The following MACROD2 variants were observed in gnomAD, a reference collection of about 807,000 sequenced individuals.
MACROD2 encodes the protein ADP-ribose glycohydrolase MACROD2.
A neutral mutation model predicts 70.4 loss-of-function variants in MACROD2; 36 were observed. That is an observed-to-expected ratio of 0.51 (90% CI 0.39 to 0.68). The LOEUF (loss-of-function observed/expected upper bound fraction) is 0.68, where lower values mean the gene tolerates loss of function less well. Ranked by LOEUF, MACROD2 falls within the 30% of genes least tolerant of loss-of-function variation. The probability of loss-of-function intolerance (pLI) is 0.00; values close to 1 mark genes in which losing one functional copy is unlikely to be tolerated. For synonymous variants in MACROD2, 172 were observed against 178.8 expected, an observed-to-expected ratio of 0.96 and a Z score of 0.30; for missense variants, 496 against 538.4, an observed-to-expected ratio of 0.92 and a Z score of 0.78.
At chr20:15,422,032 C>T (rs1300416342) in intron 6 of MACROD2, among the ~76,000 whole-genome samples, 1 of 152,128 alleles carries the variant, frequency 6.6e-6, no homozygotes, top group East Asian at 1.9e-4. Context: ...GTCAGTGGCC[C>T]TGGAGTAGAA....
At chr20:15,697,381 T>C (rs1321998589) in intron 8 of MACROD2, among the ~76,000 whole-genome samples, 7 of 152,158 alleles carry the variant, frequency 4.6e-5, no homozygotes, top group Non-Finnish European at 1.5e-5. Flanking sequence ...CCTTTTAGAG[T>C]TGAGTTCCAA....
chr20:14,499,877 A>C (rs1245353899), intron 4 of MACROD2, among the ~76,000 whole-genome samples: 1 of 152,218 alleles, frequency 6.6e-6, no homozygotes, highest in African/African-American at 2.4e-5. Context: ...ACTAGCCTTG[A>C]AATCAGTGTA....
chr20:15,908,139 C>T (rs1270730737), intron 10 of MACROD2, among the ~76,000 whole-genome samples: 4 of 151,716 alleles, frequency 2.6e-5, no homozygotes, highest in Non-Finnish European at 5.9e-5. Context: ...TGTTTTTTTC[C>T]TTTTTGCCCT....
intron 5 of MACROD2, among the ~76,000 whole-genome samples, chr20:15,013,725 C>A (rs1475937639): frequency 3.3e-5 from 5 of 152,174 alleles, no homozygotes; most frequent in Non-Finnish European, 7.4e-5. Context: ...CCCTTCCCTT[C>A]TATGGCAGTG....
At chr20:14,033,161 T>G (rs1162018971) in intron 2 of MACROD2, among the ~76,000 whole-genome samples, 1 of 151,648 alleles carries the variant, frequency 6.6e-6, no homozygotes, top group Non-Finnish European at 1.5e-5. Flanking sequence ...TAAGTTGTCT[T>G]AGTTTTTTTC....
intron 5 of MACROD2, among the ~76,000 whole-genome samples, chr20:15,079,333 C>T (rs2075684904): frequency 6.6e-6 from 1 of 151,950 alleles, no homozygotes; most frequent in South Asian, 2.1e-4. Context: ...ATCACCTAAG[C>T]CCCCCAGTTC....
intron 4 of MACROD2, among the ~76,000 whole-genome samples, chr20:14,527,159 T>G (rs1259183486): frequency 6.6e-6 from 1 of 152,224 alleles, no homozygotes; most frequent in African/African-American, 2.4e-5. Context: ...CCTGCTGGCC[T>G]GCCGACGTCT....
intron 15 of MACROD2, among the ~76,000 whole-genome samples, chr20:16,016,521 T>C (rs548636350): frequency 6.6e-6 from 1 of 152,352 alleles, no homozygotes; most frequent in East Asian, 1.9e-4. Context: ...CATTTTCAAC[T>C]TAACCTTTTC....
rs569981495 is a variant in MACROD2 at position 15,924,259 on chromosome 20, A to T, written c.776-9017A>T. On this transcript the variant is annotated intron_variant, in intron 10 of 17. Coordinates refer to ENST00000684519, the MANE Select transcript of MACROD2 (RefSeq NM_001351661.2). Reference sequence around the variant, plus strand: ...CCATGATAATATGGGGCTGCCCACAACCTCAGATATATGTGTATTGAATTA... The same window carrying T: ...CCATGATAATATGGGGCTGCCCACATCCTCAGATATATGTGTATTGAATTA... Among the ~76,000 whole-genome samples, 4 of 152,342 alleles carry T rather than the reference A, an allele frequency of 2.6e-5. No homozygotes were observed. The South Asian group carries it at 8.3e-4, about 32-fold the overall frequency.
At chr20:14,244,343 A>T (rs1246869017) in intron 3 of MACROD2, among the ~76,000 whole-genome samples, 2 of 152,144 alleles carry the variant, frequency 1.3e-5, no homozygotes, top group African/African-American at 4.8e-5. Context: ...AGGGGACTTG[A>T]AAGTGAACTT....
chr20:15,531,605 T>C (rs1170518167), intron 8 of MACROD2, among the ~76,000 whole-genome samples: 2 of 152,170 alleles, frequency 1.3e-5, no homozygotes, highest in Admixed American at 1.3e-4. Flanking sequence ...TATTGATACA[T>C]TGTTATATTT....
intron 13 of MACROD2, among the ~76,000 whole-genome samples, chr20:15,985,637 T>C (rs996463149): frequency 3.3e-5 from 5 of 152,210 alleles, no homozygotes; most frequent in Non-Finnish European, 7.3e-5. Flanking sequence ...CCGGGAGTGC[T>C]CTTTGGATCC....
intron 7 of MACROD2, among the ~76,000 whole-genome samples, chr20:15,478,124 G>A (rs1421867814): frequency 1.3e-5 from 2 of 152,224 alleles, no homozygotes; most frequent in Non-Finnish European, 2.9e-5. Flanking sequence ...CATTTGTGTT[G>A]TTCTAAGTCA....
chr20:14,712,132 G>T (rs1023952510), intron 5 of MACROD2, among the ~76,000 whole-genome samples: 1 of 151,880 alleles, frequency 6.6e-6, no homozygotes, highest in Non-Finnish European at 1.5e-5. Flanking sequence ...TTTTAATATG[G>T]CCTCAGGTTA....
intron 5 of MACROD2, among the ~76,000 whole-genome samples, chr20:14,734,037 A>T (rs557551759): frequency 2.6e-4 from 39 of 152,224 alleles, no homozygotes; most frequent in African/African-American, 8.4e-4. Context: ...ATGATCTTAT[A>T]TTACTGATTT....
intron 5 of MACROD2, among the ~76,000 whole-genome samples, chr20:15,004,781 A>T (rs1357803456): frequency 6.6e-6 from 1 of 152,246 alleles, no homozygotes; most frequent in Non-Finnish European, 1.5e-5. Context: ...TTTACTGTTA[A>T]ATGCAACTTA....
chr20:15,319,525 C>T (rs1161953087), intron 6 of MACROD2, among the ~76,000 whole-genome samples: 1 of 152,112 alleles, frequency 6.6e-6, no homozygotes, highest in African/African-American at 2.4e-5. Flanking sequence ...AAACTGGAAC[C>T]TTTATGCAAT....
At chr20:16,015,311 T>A (rs1255562211) in intron 15 of MACROD2, among the ~76,000 whole-genome samples, 1 of 151,786 alleles carries the variant, frequency 6.6e-6, no homozygotes, top group Non-Finnish European at 1.5e-5. Flanking sequence ...AGTAGTGTAA[T>A]TTTTTTTTCT....
At chr20:14,366,191 C>T (rs2083270124) in intron 3 of MACROD2, among the ~76,000 whole-genome samples, 1 of 152,062 alleles carries the variant, frequency 6.6e-6, no homozygotes, top group Non-Finnish European at 1.5e-5. Context: ...TTGTTAAAAG[C>T]AGTGCATGGA....
Sources: allele counts gnomAD v4.1 joint callset (sites outside exome capture counted in the v4.1 genomes callset), GRCh38; gene constraint gnomAD v4.1.1; transcripts MANE v1.5; gene names NCBI Gene and HGNC (gene_info 2026-07-23, HGNC 2026-07-21).